ULK4: variants seen among roughly 807,000 people sequenced by gnomAD.
ULK4 encodes inactive serine/threonine-protein kinase ULK4.
In ULK4, 133 loss-of-function variants were observed where a neutral mutation model predicts 160.6. The ratio of observed to expected loss-of-function variants is 0.83; its 90% CI spans 0.72 to 0.96. ULK4 has a LOEUF of 0.96. Ranked by LOEUF, ULK4 falls within the 40% of genes least tolerant of loss-of-function variation. ULK4 has a pLI of 0.00. For missense variants in ULK4, 1,580 were observed against 1,499.5 expected (o/e 1.05, Z -0.89); for synonymous variants, 534 against 539.8 (o/e 0.99, Z 0.15).
intron 36 of ULK4, among the ~76,000 whole-genome samples, chr3:41,247,235 C>T (rs1239345829): frequency 6.6e-6 from 1 of 152,178 alleles, no homozygotes; most frequent in African/African-American, 2.4e-5. Context: ...TCTGAGCCAC[C>T]TCTGCCAGAA....
At chr3:41,671,756 C>T (rs534161919) in intron 29 of ULK4, among the ~76,000 whole-genome samples, 1 of 151,982 alleles carries the variant, frequency 6.6e-6, no homozygotes, top group African/African-American at 2.4e-5. Flanking sequence ...CTACGCAGCA[C>T]AATAAAGTCA....
intron 31 of ULK4, among the ~76,000 whole-genome samples, chr3:41,591,862 A>G (rs549852820): frequency 5.1e-4 from 77 of 152,334 alleles, no homozygotes; most frequent in Admixed American, 3.5e-3. Flanking sequence ...GTACAAAGCC[A>G]TCTCACTAAT....
In ULK4 at chr3:41,566,005, T is replaced by C. The variant is rs1178057032; in HGVS notation, c.3226+20A>G. 6.3e-7 allele frequency: 1 copy of C among 1,594,018 alleles called. No homozygotes were observed. Among genetic ancestry groups the C allele is most frequent in the Non-Finnish European group, 8.6e-7 (1 of 1,163,062 alleles). On this transcript the variant is annotated intron_variant, in intron 32 of 36. Transcript: ENST00000301831. ...GAATAGGCAAAACTTGATCAGAGAGTAATTCTATGAGGCATTTACCTTGTT... is the reference window on the plus strand; with the variant it reads ...GAATAGGCAAAACTTGATCAGAGAGCAATTCTATGAGGCATTTACCTTGTT...
chr3:41,507,636 A>G (rs867381948), intron 32 of ULK4, among the ~76,000 whole-genome samples: 9,332 of 113,226 alleles, frequency 0.082, 440 homozygotes, highest in Admixed American at 0.15. Context: ...AAAAAAAAAA[A>G]AAACTGAAAT....
intron 31 of ULK4, among the ~76,000 whole-genome samples, chr3:41,580,391 A>ATTTT (rs1559410763): frequency 7.3e-5 from 11 of 150,746 alleles, no homozygotes; most frequent in African/African-American, 2.4e-4. Context: ...TTTTTTTTTA[A>ATTTT]AAAAACCTGT....
intron 18 of ULK4, among the ~76,000 whole-genome samples, chr3:41,828,726 T>C (rs531196960): frequency 6.6e-6 from 1 of 152,060 alleles, no homozygotes; most frequent in Admixed American, 6.5e-5. Context: ...CTGCCCAAGA[T>C]AATTTATAGA....
At position 41,369,530 on chromosome 3, in the gene ULK4, C is replaced by T. The variant is rs141210543; in HGVS notation, c.3678+28549G>A. 1.0e-2 allele frequency among the ~76,000 whole-genome samples: 1,516 copies of T among 151,624 alleles called. 27 individuals are homozygous for T. The highest frequency in any genetic ancestry group is 0.035 in the African/African-American group (1,439 of 41,274). On this transcript the variant is annotated intron_variant, in intron 35 of 36. Coordinates refer to ENST00000301831, the MANE Select transcript of ULK4 (RefSeq NM_017886.4). ...AAAAATGGCAGAGCACGGTGGCTCA[C>T]GCCTGTCATCCCAGCACTTTGAGAG...
chr3:41,776,372 T>C lies in ULK4; in HGVS notation c.2193+13289A>G, dbSNP rs371323861. Among the ~76,000 whole-genome samples the C allele has an allele frequency of 9.7e-4, 146 of 150,996 alleles. 9 individuals are homozygous for C. Among genetic ancestry groups the C allele is most frequent in the East Asian group, 4.0e-3 (21 of 5,192 alleles). On this transcript the variant is annotated intron_variant, in intron 21 of 36. Coordinates refer to ENST00000301831, the MANE Select transcript of ULK4 (RefSeq NM_017886.4). ...TACAACAAGATCACAAAGACAGTTA[T>C]GTAAATTTTCTTTTAAGTTTTTTTC...
At chr3:41,432,812 C>A (rs2082944271) in intron 34 of ULK4, among the ~76,000 whole-genome samples, 1 of 151,968 alleles carries the variant, frequency 6.6e-6, no homozygotes, top group South Asian at 2.1e-4. Flanking sequence ...TGCCTGAAAT[C>A]TTTTACCAAC....
In ULK4 at chr3:41,789,857, A is replaced by G; in HGVS notation, c.2011-14T>C. On this transcript the variant is annotated splice_polypyrimidine_tract_variant and intron_variant, in intron 20 of 36. Coordinates refer to ENST00000301831, the MANE Select transcript of ULK4 (RefSeq NM_017886.4). ...TCTACACAAGGCCTACAAAGACAAG[A>G]GAACAGACCTGTCAGGCAACTCCAA... The G allele has an allele frequency of 6.3e-7, 1 of 1,579,968 alleles. No homozygotes were observed. The highest frequency in any genetic ancestry group is 8.6e-7 in the Non-Finnish European group (1 of 1,163,490).
At chr3:41,621,090 A>G (rs1470757079) in intron 30 of ULK4, among the ~76,000 whole-genome samples, 4 of 152,186 alleles carry the variant, frequency 2.6e-5, no homozygotes, top group Non-Finnish European at 2.9e-5. Flanking sequence ...GAGAACTACA[A>G]ACCACTGCTC....
intron 35 of ULK4, among the ~76,000 whole-genome samples, chr3:41,301,656 C>G (rs978191250): frequency 6.6e-6 from 1 of 152,086 alleles, no homozygotes; most frequent in Non-Finnish European, 1.5e-5. Context: ...TTTTAAGTAT[C>G]TTTATTTTAA....
chr3:41,910,161 G>T (rs987621021), intron 11 of ULK4, among the ~76,000 whole-genome samples: 2 of 152,264 alleles, frequency 1.3e-5, no homozygotes, highest in Admixed American at 1.3e-4. Flanking sequence ...CTCCCAAAGT[G>T]CTGGGATTAC....
At chr3:41,562,937 T>C (rs1454133937) in intron 32 of ULK4, among the ~76,000 whole-genome samples, 1 of 152,240 alleles carries the variant, frequency 6.6e-6, no homozygotes, top group African/African-American at 2.4e-5. Context: ...CGTTAATTGA[T>C]GTAATTTCTT....
intron 22 of ULK4, among the ~76,000 whole-genome samples, chr3:41,735,242 T>C (rs1049226343): frequency 6.6e-6 from 1 of 151,932 alleles, no homozygotes; most frequent in Non-Finnish European, 1.5e-5. Context: ...AACAGAAACA[T>C]GAGAGAGAAG....
At chr3:41,936,011 G>A (rs1050774875) in intron 3 of ULK4, 71 bp from the exon 4 acceptor site, 43 of 1,560,926 alleles carry the variant, frequency 2.8e-5, no homozygotes, top group African/African-American at 1.7e-4. Context: ...GAGGTTCCAC[G>A]CTGACAGATA....
At chr3:41,569,435 G>T (rs1043138859) in intron 31 of ULK4, among the ~76,000 whole-genome samples, 2 of 152,106 alleles carry the variant, frequency 1.3e-5, no homozygotes, top group African/African-American at 4.8e-5. Context: ...GATTTTAGGA[G>T]TTGCATGCTA....
intron 2 of ULK4, among the ~76,000 whole-genome samples, chr3:41,948,453 A>T (rs1427171827): frequency 6.6e-6 from 1 of 152,090 alleles, no homozygotes; most frequent in East Asian, 1.9e-4. Context: ...CTCTGTCTCA[A>T]AAAAAAGAAA....
intron 31 of ULK4, among the ~76,000 whole-genome samples, chr3:41,596,286 G>A (rs2031687162): frequency 6.6e-6 from 1 of 152,162 alleles, no homozygotes; most frequent in Admixed American, 6.5e-5. Flanking sequence ...GATATAGTCA[G>A]GTCATTTAAA....
Sources: allele counts gnomAD v4.1 joint callset (sites outside exome capture counted in the v4.1 genomes callset), GRCh38; gene constraint gnomAD v4.1.1; transcripts MANE v1.5; gene names NCBI Gene and HGNC (gene_info 2026-07-23, HGNC 2026-07-21).